SNRPD1: variants seen among roughly 807,000 people sequenced by gnomAD.
SNRPD1 encodes small nuclear ribonucleoprotein Sm D1.
A neutral mutation model predicts 14.4 loss-of-function variants in SNRPD1; 1 was observed. The ratio of observed to expected loss-of-function variants is 0.07; its 90% CI spans 0.02 to 0.33. The LOEUF is 0.33. SNRPD1 is among the 10% of genes least tolerant of loss of function. SNRPD1 has a pLI of 1.00. For synonymous variants in SNRPD1, 42 were observed against 50.3 expected (o/e 0.83, Z 0.70); for missense variants, 52 against 146.4 (o/e 0.36, Z 3.33).
intron 3 of SNRPD1, among the ~76,000 whole-genome samples, chr18:21,627,988 A>AAAC (rs2039053505): frequency 6.6e-6 from 1 of 152,146 alleles, no homozygotes; most frequent in Non-Finnish European, 1.5e-5. Flanking sequence ...GATACTTTGT[A>AAAC]AGAGTACGGG....
chr18:21,614,591 G>A (rs1288555823), intron 1 of SNRPD1, among the ~76,000 whole-genome samples: 1 of 152,088 alleles, frequency 6.6e-6, no homozygotes, highest in Admixed American at 6.6e-5. Context: ...TATTCTCACT[G>A]TCACCCTAAC....
intron 1 of SNRPD1, among the ~76,000 whole-genome samples, chr18:21,616,277 G>A (rs763616052): frequency 7.9e-5 from 12 of 152,136 alleles, no homozygotes; most frequent in Non-Finnish European, 1.5e-4. Context: ...GAGCCACTGC[G>A]CCCAGCCCAG....
At chr18:21,621,187 T>C (rs2038995330) in intron 1 of SNRPD1, among the ~76,000 whole-genome samples, 1 of 151,690 alleles carries the variant, frequency 6.6e-6, no homozygotes, top group Non-Finnish European at 1.5e-5. Flanking sequence ...AGATAAGATA[T>C]TCAATCTCAC....
chr18:21,612,377 C>A lies in SNRPD1; in HGVS notation c.-53C>A. On this transcript the variant is annotated 5_prime_UTR_variant, in exon 1 of 4. Transcript: ENST00000300413. ...ATTCATACTGCAGTCGGTCAGTGTT[C>A]GGTTGAAGGATTCTGTGTGCTGTCG... 3 of 1,472,904 alleles carry A rather than the reference C, an allele frequency of 2.0e-6. No individual in the cohort carries two copies. The highest frequency in any genetic ancestry group is 1.3e-5 in the South Asian group (1 of 77,430). The allele number at this position is 1,472,904 out of a possible 1,614,324, so 91.2% of individuals were successfully genotyped here.
chr18:21,629,552 GA>G lies in SNRPD1; in HGVS notation c.*418del. 6.2e-6 allele frequency: 1 copy of G among 161,272 alleles called. No individual in the cohort carries two copies. The highest frequency in any genetic ancestry group is 1.8e-4 in the East Asian group (1 of 5,710). The allele number at this position is 161,272 out of a possible 1,614,324, so 10.0% of individuals were successfully genotyped here. A position where few individuals can be genotyped will look rare whatever the true frequency, so the allele number is the denominator to read the frequency against. On this transcript the variant is annotated 3_prime_UTR_variant, in exon 4 of 4. Transcript: ENST00000300413. ...ATGGACAGAAGGAAAGTGATGTATGGAAAATGGAAGTGAGATACAGCAACAG... is the reference window on the plus strand; with the variant it reads ...ATGGACAGAAGGAAAGTGATGTATGGAAATGGAAGTGAGATACAGCAACAG...
intron 1 of SNRPD1, 56 bp downstream of exon 1, chr18:21,612,499 T>G: frequency 7.4e-7 from 1 of 1,342,948 alleles, no homozygotes; most frequent in Non-Finnish European, 1.0e-6. Context: ...TGGCCCGGAG[T>G]CCGGAAGGCT....
intron 2 of SNRPD1, 106 bp from the exon 3 acceptor site, chr18:21,623,639 TAGA>T (rs2039014460): frequency 8.8e-6 from 7 of 792,112 alleles, no homozygotes; most frequent in South Asian, 4.9e-5. Context: ...TTGCACTTTG[TAGA>T]AGAACAGTAA....
chr18:21,628,455 A>C (rs1002067181), intron 3 of SNRPD1, among the ~76,000 whole-genome samples: 1 of 152,222 alleles, frequency 6.6e-6, no homozygotes, highest in Non-Finnish European at 1.5e-5. Context: ...TGAAGATGAA[A>C]TAAGTTTATT....
At chr18:21,621,167 C>CAAA (rs147493654) in intron 1 of SNRPD1, among the ~76,000 whole-genome samples, 1 of 146,146 alleles carries the variant, frequency 6.8e-6, no homozygotes. Context: ...GACTCTGTGT[C>CAAA]AAAAAAAAAA....
At chr18:21,613,901 A>G (rs1025181169) in intron 1 of SNRPD1, among the ~76,000 whole-genome samples, 1 of 149,198 alleles carries the variant, frequency 6.7e-6, no homozygotes, top group South Asian at 2.1e-4. Context: ...AGGAGTTGGT[A>G]CAAAAGACAT....
At chr18:21,623,385 A>G (rs1473581814) in intron 2 of SNRPD1, among the ~76,000 whole-genome samples, 1 of 152,236 alleles carries the variant, frequency 6.6e-6, no homozygotes, top group Non-Finnish European at 1.5e-5. Context: ...GCAGAAACAA[A>G]GGTGAGGATA....
rs1013263044 is a variant in SNRPD1 at position 21,631,370 on chromosome 18, A to C, written c.*2232A>C. Reference sequence around the variant, plus strand: ...TTAAGACAATTCTTTAATAGTAAATATATTAAAGGTGAGTTGGCTTGACAA... The same window carrying C: ...TTAAGACAATTCTTTAATAGTAAATCTATTAAAGGTGAGTTGGCTTGACAA... On this transcript the variant is annotated 3_prime_UTR_variant, in exon 4 of 4. Transcript: ENST00000300413. 6.8e-6 allele frequency: 1 copy of C among 147,738 alleles called. No individual in the cohort carries two copies. The highest frequency in any genetic ancestry group is 2.5e-5 in the African/African-American group (1 of 39,816). 9.2% of individuals were successfully genotyped at this position (147,738 alleles called of 1,614,324 possible).
intron 1 of SNRPD1, among the ~76,000 whole-genome samples, chr18:21,618,011 T>G (rs2038970214): frequency 6.6e-6 from 1 of 152,214 alleles, no homozygotes. Context: ...CTGTGTCTTA[T>G]GCTGTATTTT....
At chr18:21,619,358 T>C (rs1027837195) in intron 1 of SNRPD1, among the ~76,000 whole-genome samples, 1 of 152,026 alleles carries the variant, frequency 6.6e-6, no homozygotes, top group Non-Finnish European at 1.5e-5. Context: ...TTTTTTGTAT[T>C]TTTAGCAGAG....
At chr18:21,621,035 G>A (rs1370183439) in intron 1 of SNRPD1, among the ~76,000 whole-genome samples, 1 of 152,010 alleles carries the variant, frequency 6.6e-6, no homozygotes, top group Non-Finnish European at 1.5e-5. Flanking sequence ...AGGTGTGGTG[G>A]CGAGCGCCTG....
intron 1 of SNRPD1, among the ~76,000 whole-genome samples, chr18:21,620,722 A>G (rs2038990920): frequency 6.6e-6 from 1 of 152,188 alleles, no homozygotes; most frequent in Admixed American, 6.6e-5. Context: ...ATAAAAGTGA[A>G]AAAAGTTTGT....
intron 1 of SNRPD1, among the ~76,000 whole-genome samples, chr18:21,614,146 G>A (rs1450556689): frequency 3.3e-5 from 5 of 151,940 alleles, no homozygotes; most frequent in African/African-American, 1.2e-4. Context: ...GGTGGCGGGC[G>A]CCTGTAATCC....
At position 21,613,610 on chromosome 18, in the gene SNRPD1, A is replaced by C. The variant is rs796113053; in HGVS notation, c.14+1167A>C. On this transcript the variant is annotated intron_variant, in intron 1 of 3. Coordinates refer to ENST00000300413, the MANE Select transcript of SNRPD1 (RefSeq NM_006938.4). ...AGTGGCTCACGTCTGTAATCCCAGC[A>C]CTTTGGGAGGCCAAGGCGGGTGGAT... 2.7e-4 allele frequency among the ~76,000 whole-genome samples: 41 copies of C among 152,314 alleles called. 1 individual carries two copies. Among genetic ancestry groups the C allele is most frequent in the African/African-American group, 9.9e-4 (41 of 41,570 alleles).
intron 1 of SNRPD1, among the ~76,000 whole-genome samples, chr18:21,621,362 A>G (rs766633330): frequency 3.9e-5 from 6 of 152,124 alleles, no homozygotes; most frequent in African/African-American, 9.7e-5. Context: ...TGACATTTCC[A>G]TATAGTGGAA....
Sources: gnomAD v4.1 joint callset for allele counts (sites outside exome capture counted in the v4.1 genomes callset) on GRCh38, gnomAD v4.1.1 for gene constraint, MANE v1.5 for transcripts, NCBI Gene and HGNC (gene_info 2026-07-23, HGNC 2026-07-21) for gene names.